MACROD2: variants seen among roughly 807,000 people sequenced by gnomAD.
MACROD2 encodes mono-ADP ribosylhydrolase 2, also known as ADP-ribose glycohydrolase MACROD2.
A neutral mutation model predicts 70.4 loss-of-function variants in MACROD2; 36 were observed. The ratio of observed to expected loss-of-function variants is 0.51; its 90% CI spans 0.39 to 0.68. The LOEUF (loss-of-function observed/expected upper bound fraction) is 0.68. MACROD2 is among the 30% of genes least tolerant of loss of function. MACROD2 has a pLI of 0.00. For synonymous variants in MACROD2, 172 were observed against 178.8 expected (o/e 0.96, Z 0.30); for missense variants, 496 against 538.4 (o/e 0.92, Z 0.78).
intron 8 of MACROD2, among the ~76,000 whole-genome samples, chr20:15,677,402 T>A (rs1409345281): frequency 6.6e-6 from 1 of 152,004 alleles, no homozygotes; most frequent in Non-Finnish European, 1.5e-5. Context: ...AGGTTTGTGT[T>A]AGGGGAGTGG....
chr20:15,864,972 T>C (rs576768139), intron 9 of MACROD2, among the ~76,000 whole-genome samples: 2 of 152,270 alleles, frequency 1.3e-5, no homozygotes, highest in South Asian at 4.1e-4. Flanking sequence ...ATAATATACC[T>C]TACCTGTCAT....
At chr20:15,661,737 A>G (rs1216562121) in intron 8 of MACROD2, among the ~76,000 whole-genome samples, 1 of 152,168 alleles carries the variant, frequency 6.6e-6, no homozygotes, top group African/African-American at 2.4e-5. Flanking sequence ...TCTGCCCTGG[A>G]ATGGCAATAG....
At chr20:15,830,798 A>G (rs951185512) in intron 8 of MACROD2, among the ~76,000 whole-genome samples, 2 of 152,256 alleles carry the variant, frequency 1.3e-5, no homozygotes, top group East Asian at 3.8e-4. Flanking sequence ...GATAATATAC[A>G]TCAAGCTATT....
intron 3 of MACROD2, among the ~76,000 whole-genome samples, chr20:14,425,424 A>G (rs1378609527): frequency 6.6e-6 from 1 of 152,228 alleles, no homozygotes; most frequent in Non-Finnish European, 1.5e-5. Flanking sequence ...GCATTACTAT[A>G]CGTATGAAAA....
At chr20:14,144,935 A>G (rs1452489084) in intron 3 of MACROD2, among the ~76,000 whole-genome samples, 4 of 152,146 alleles carry the variant, frequency 2.6e-5, no homozygotes, top group African/African-American at 9.7e-5. Context: ...TCTCTATCTC[A>G]GTTCGCAGCT....
intron 3 of MACROD2, among the ~76,000 whole-genome samples, chr20:14,459,729 G>T (rs1283210141): frequency 6.6e-6 from 1 of 151,910 alleles, no homozygotes; most frequent in Non-Finnish European, 1.5e-5. Context: ...GTTTCTGATA[G>T]ATTTGTTAAA....
chr20:15,248,510 A>T (rs775456143), intron 6 of MACROD2, among the ~76,000 whole-genome samples: 2 of 152,150 alleles, frequency 1.3e-5, no homozygotes, highest in African/African-American at 2.4e-5. Context: ...TACCAGTACC[A>T]GTCAAACCCT....
chr20:14,037,369 A>G, intron 2 of MACROD2, among the ~76,000 whole-genome samples: 1 of 152,230 alleles, frequency 6.6e-6, no homozygotes, highest in East Asian at 1.9e-4. Context: ...TGTCCTATTC[A>G]GTAATTAATA....
intron 5 of MACROD2, among the ~76,000 whole-genome samples, chr20:14,783,294 A>G (rs1229014164): frequency 6.6e-6 from 1 of 152,142 alleles, no homozygotes; most frequent in Non-Finnish European, 1.5e-5. Context: ...ACCCTGTTCA[A>G]TTGCTGCCTT....
chr20:15,927,303 G>T (rs80347567), intron 10 of MACROD2, among the ~76,000 whole-genome samples: 2,037 of 152,114 alleles, frequency 0.013, 15 homozygotes, highest in East Asian at 0.031. Context: ...CACTGTGCTG[G>T]GTGCCAAGGA....
At chr20:14,349,963 G>C (rs772639543) in intron 3 of MACROD2, among the ~76,000 whole-genome samples, 1 of 151,476 alleles carries the variant, frequency 6.6e-6, no homozygotes, top group East Asian at 1.9e-4. Context: ...TGGTCAGGCT[G>C]GTCTCAAACT....
chr20:14,509,381 A>T (rs1206264659), intron 4 of MACROD2, among the ~76,000 whole-genome samples: 1 of 152,080 alleles, frequency 6.6e-6, no homozygotes, highest in Non-Finnish European at 1.5e-5. Flanking sequence ...TGCATATTGG[A>T]TATTTTCTAG....
chr20:14,742,817 A>G (rs1421939506), intron 5 of MACROD2, among the ~76,000 whole-genome samples: 1 of 150,748 alleles, frequency 6.6e-6, no homozygotes, highest in Non-Finnish European at 1.5e-5. Context: ...CCCAGGCTGG[A>G]GTGCAGTGAC....
chr20:14,592,016 T>C (rs753112827), intron 4 of MACROD2, among the ~76,000 whole-genome samples: 30 of 152,062 alleles, frequency 2.0e-4, no homozygotes, highest in South Asian at 2.1e-4. Flanking sequence ...GAAAAGAAGA[T>C]ATGCTGGATA....
At chr20:15,024,565 CAT>C (rs995435029) in intron 5 of MACROD2, among the ~76,000 whole-genome samples, 99 of 151,958 alleles carry the variant, frequency 6.5e-4, no homozygotes, top group African/African-American at 1.7e-3. Context: ...TTTGTTAAAA[CAT>C]ATGGGAATTT....
At chr20:14,681,368 A>G (rs1285440875) in intron 4 of MACROD2, among the ~76,000 whole-genome samples, 1 of 152,242 alleles carries the variant, frequency 6.6e-6, no homozygotes, top group Non-Finnish European at 1.5e-5. Context: ...GTCTATTCAC[A>G]GATGAATGGA....
intron 8 of MACROD2, among the ~76,000 whole-genome samples, chr20:15,830,144 C>T (rs1460323871): frequency 6.6e-6 from 1 of 152,112 alleles, no homozygotes; most frequent in East Asian, 1.9e-4. Context: ...CCCATTGCCA[C>T]AGTGGACAAC....
intron 5 of MACROD2, among the ~76,000 whole-genome samples, chr20:15,088,395 TTTTA>T (rs1309937024): frequency 7.7e-5 from 8 of 103,268 alleles, no homozygotes; most frequent in African/African-American, 3.4e-4. Flanking sequence ...ATATACTATA[TTTTA>T]TATATATATA....
At chr20:15,447,372 G>A (rs138870239) in intron 7 of MACROD2, among the ~76,000 whole-genome samples, 12 of 152,276 alleles carry the variant, frequency 7.9e-5, no homozygotes, top group Admixed American at 2.0e-4. Flanking sequence ...TCCACTTCGT[G>A]TTCTTTGCCT....
Sources: allele counts gnomAD v4.1 joint callset (sites outside exome capture counted in the v4.1 genomes callset), GRCh38; gene constraint gnomAD v4.1.1; transcripts MANE v1.5; gene names NCBI Gene and HGNC (gene_info 2026-07-23, HGNC 2026-07-21).